Variants in PKIB observed in about 807,000 individuals in gnomAD.
PKIB encodes PKI-beta.
In PKIB, 2 loss-of-function variants were observed where a neutral mutation model predicts 4.5. That is an observed-to-expected ratio of 0.44 (90% CI 0.18 to 1.39). The LOEUF (loss-of-function observed/expected upper bound fraction) is 1.39, where lower values mean the gene tolerates loss of function less well. Ranked by LOEUF, PKIB falls within the 40% of genes most tolerant of loss-of-function variation. The pLI is 0.27. For synonymous variants in PKIB, 38 were observed against 36.0 expected (o/e 1.06, Z -0.20); for missense variants, 94 against 92.6 (o/e 1.02, Z -0.06).
intron 2 of PKIB, among the ~76,000 whole-genome samples, chr6:122,508,887 A>T (rs1776502434): frequency 6.6e-6 from 1 of 151,864 alleles, no homozygotes; most frequent in Non-Finnish European, 1.5e-5. Context: ...AGTAGCTGGG[A>T]CTACAGGTGC....
At chr6:122,700,907 TAGGG>T (rs1285508415) in intron 3 of PKIB, among the ~76,000 whole-genome samples, 1 of 152,174 alleles carries the variant, frequency 6.6e-6, no homozygotes, top group African/African-American at 2.4e-5. Context: ...ATGGCTTGGA[TAGGG>T]CCAGCAAGCC....
intron 2 of PKIB, among the ~76,000 whole-genome samples, chr6:122,539,695 TA>T (rs1777528419): frequency 6.6e-6 from 1 of 152,006 alleles, no homozygotes. Flanking sequence ...GCTGGCCTCA[TA>T]AAATGAGTTA....
intron 3 of PKIB, chr6:122,701,607 C>T: frequency 7.5e-7 from 1 of 1,338,814 alleles, no homozygotes; most frequent in South Asian, 1.3e-5. Flanking sequence ...CAGCAGTTAG[C>T]AGTTCTGTCT....
intron 2 of PKIB, among the ~76,000 whole-genome samples, chr6:122,512,123 T>C (rs1226801017): frequency 2.0e-5 from 3 of 152,206 alleles, no homozygotes; most frequent in Admixed American, 6.5e-5. Flanking sequence ...ATTATAGTGG[T>C]ATCCTAACAC....
chr6:122,523,310 T>A (rs944203463), intron 2 of PKIB, among the ~76,000 whole-genome samples: 1 of 152,228 alleles, frequency 6.6e-6, no homozygotes, highest in African/African-American at 2.4e-5. Context: ...TTTCTGTGTG[T>A]TAAATTATCC....
intron 2 of PKIB, among the ~76,000 whole-genome samples, chr6:122,506,707 T>C (rs1254033276): frequency 2.7e-5 from 4 of 147,220 alleles, no homozygotes; most frequent in African/African-American, 5.0e-5. Flanking sequence ...TTTTTTTTTT[T>C]TTTTTTTTTT....
intron 2 of PKIB, among the ~76,000 whole-genome samples, chr6:122,527,902 G>T (rs540070732): frequency 6.6e-6 from 1 of 152,102 alleles, no homozygotes; most frequent in Non-Finnish European, 1.5e-5. Context: ...AAGTACATCT[G>T]TGTTATTTAA....
At chr6:122,671,142 A>C (rs892187190) in intron 2 of PKIB, among the ~76,000 whole-genome samples, 13 of 152,042 alleles carry the variant, frequency 8.6e-5, no homozygotes, top group African/African-American at 2.9e-4. Context: ...AAATACAAAA[A>C]TTAGCTGGGT....
chr6:122,585,058 G>A (rs1773811449), intron 2 of PKIB, among the ~76,000 whole-genome samples: 1 of 152,086 alleles, frequency 6.6e-6, no homozygotes, highest in Non-Finnish European at 1.5e-5. Context: ...ATAATTAAAA[G>A]TGGGTATACA....
At chr6:122,572,450 T>A (rs1773394309) in intron 2 of PKIB, among the ~76,000 whole-genome samples, 1 of 151,986 alleles carries the variant, frequency 6.6e-6, no homozygotes, top group African/African-American at 2.4e-5. Context: ...ACACAACTTA[T>A]CAAAACCTCC....
intron 1 of PKIB, among the ~76,000 whole-genome samples, chr6:122,627,910 A>C (rs1775523458): frequency 6.6e-6 from 1 of 152,140 alleles, no homozygotes; most frequent in African/African-American, 2.4e-5. Flanking sequence ...AAAATAAATA[A>C]GTAAACTCAT....
At position 122,692,418 on chromosome 6, in the gene PKIB, C is replaced by G. The variant is rs148134415; in HGVS notation, c.-9+17274C>G. On this transcript the variant is annotated intron_variant, in intron 3 of 4. Coordinates refer to ENST00000368452, the MANE Select transcript of PKIB (RefSeq NM_181795.3). The stretch of plus-strand genomic sequence containing the variant: ...ACTCAGACCATGAGACAAAGTCCTT[C>G]CCACCTTCCCCTCCTTTCCACAGCC... Among the ~76,000 whole-genome samples the G allele has an allele frequency of 4.9e-3, 740 of 152,348 alleles. 6 individuals are homozygous for G. The highest frequency in any genetic ancestry group is 7.3e-3 in the Non-Finnish European group (500 of 68,034).
At chr6:122,507,578 A>G (rs1324055508) in intron 2 of PKIB, among the ~76,000 whole-genome samples, 3 of 139,270 alleles carry the variant, frequency 2.2e-5, no homozygotes. Context: ...GGCTCATTTG[A>G]TGGGTTTTGT....
intron 2 of PKIB, among the ~76,000 whole-genome samples, chr6:122,531,706 A>G (rs1252800323): frequency 2.6e-5 from 4 of 152,146 alleles, no homozygotes; most frequent in Non-Finnish European, 4.4e-5. Flanking sequence ...ACTATGAGCT[A>G]GATGCACCTT....
chr6:122,519,074 T>C (rs1776854765), intron 2 of PKIB, among the ~76,000 whole-genome samples: 1 of 152,092 alleles, frequency 6.6e-6, no homozygotes, highest in South Asian at 2.1e-4. Flanking sequence ...GGGGTACCAG[T>C]CCGTGGGCTA....
intron 2 of PKIB, among the ~76,000 whole-genome samples, chr6:122,656,713 A>G (rs1003222705): frequency 6.6e-6 from 1 of 152,170 alleles, no homozygotes; most frequent in Non-Finnish European, 1.5e-5. Flanking sequence ...AAACAAGGGA[A>G]TTCTGAAATT....
chr6:122,701,208 A>G (rs1315036672), intron 3 of PKIB: 8 of 429,968 alleles, frequency 1.9e-5, no homozygotes, highest in African/African-American at 1.2e-4. Flanking sequence ...CCAGGATACC[A>G]TGCTTGGTTC....
intron 3 of PKIB, among the ~76,000 whole-genome samples, chr6:122,601,378 A>G (rs1048036898): frequency 6.6e-6 from 1 of 152,154 alleles, no homozygotes; most frequent in Admixed American, 6.5e-5. Flanking sequence ...TTAGAGAAAA[A>G]GAGTTTGTAC....
At chr6:122,644,097 A>G (rs892796397) in intron 2 of PKIB, 5 of 151,948 alleles carry the variant, frequency 3.3e-5, no homozygotes, top group African/African-American at 1.2e-4. Context: ...AAAATGAGCC[A>G]CTTCACTTAA....
Sources: allele counts gnomAD v4.1 joint callset (sites outside exome capture counted in the v4.1 genomes callset), GRCh38; gene constraint gnomAD v4.1.1; transcripts MANE v1.5; gene names NCBI Gene and HGNC (gene_info 2026-07-23, HGNC 2026-07-21).